The following TMEM132A variants were observed in gnomAD, a reference collection of about 807,000 sequenced individuals.
The protein encoded by TMEM132A is transmembrane protein 132A.
In TMEM132A, 48 loss-of-function variants were observed where a neutral mutation model predicts 69.9. The ratio of observed to expected loss-of-function variants is 0.69; its 90% CI spans 0.55 to 0.87. The LOEUF (loss-of-function observed/expected upper bound fraction) is 0.87, where lower values mean the gene tolerates loss of function less well. Among genes scored for constraint, TMEM132A ranks in the 40% least tolerant of loss-of-function variants. The pLI is 0.00. For missense variants in TMEM132A, 1,287 were observed against 1,407.2 expected (o/e 0.91, Z 1.37); for synonymous variants, 577 against 613.7 (o/e 0.94, Z 0.88).
chr11:60,933,144 A>G (rs1856516087), intron 7 of TMEM132A: 1 of 168,204 alleles, frequency 5.9e-6, no homozygotes, highest in South Asian at 1.8e-4. Context: ...CTACGGCCTG[A>G]GGTCAGGGCT....
chr11:60,927,938 C>A (rs1016386518), intron 3 of TMEM132A, 79 bp downstream of exon 3: 5 of 1,305,710 alleles, frequency 3.8e-6, no homozygotes, highest in South Asian at 2.8e-5. Flanking sequence ...AGAGAGGAAA[C>A]CCCCACTCCT....
rs1378702198 is a variant in TMEM132A at position 60,936,957 on chromosome 11, G to A, written c.*50G>A. 1 of 1,452,676 alleles carries A rather than the reference G, an allele frequency of 6.9e-7. No individual in the cohort carries two copies. The highest frequency in any genetic ancestry group is 2.5e-4 in the Middle Eastern group (1 of 4,044). The allele number at this position is 1,452,676 out of a possible 1,614,324, so 90.0% of individuals were successfully genotyped here. On this transcript the variant is annotated 3_prime_UTR_variant, in exon 11 of 11. Transcript: ENST00000453848. Reference sequence around the variant, plus strand: ...ACCAGCTGGGGCAACGAGGGTGGAGGTCCCACTGAGCCTCTCGCCTGCCCC... The same window carrying A: ...ACCAGCTGGGGCAACGAGGGTGGAGATCCCACTGAGCCTCTCGCCTGCCCC...
intron 8 of TMEM132A, 33 bp downstream of exon 8, chr11:60,933,777 T>C: frequency 1.3e-6 from 2 of 1,534,260 alleles, no homozygotes; most frequent in Non-Finnish European, 1.8e-6. Flanking sequence ...TGGCAGGCCT[T>C]GGCGAGTCAC....
At position 60,935,389 on chromosome 11, in the gene TMEM132A, C is replaced by A; in HGVS notation, c.1974C>A (p.Pro658=). 1 of 1,612,156 alleles carries A rather than the reference C, an allele frequency of 6.2e-7. No individual in the cohort carries two copies. ...CCTTGAGCCGGGGCACTGCCCACCC[C>A]GGGGAGGTCACAGCTACGTGCTGGG... ...SLTLSRGTAH[P]GEVTATCWAQ... Residue 658 remains proline, a synonymous_variant, in exon 10 of 11, where the codon CCC becomes CCA. Transcript: ENST00000453848. This position sits in a 1 kb window ranked among gnomAD's most constrained non-coding sequence, Gnocchi z 5.0.
intron 2 of TMEM132A, 92 bp downstream of exon 2, chr11:60,927,510 T>C (rs1327016614): frequency 1.4e-6 from 2 of 1,432,044 alleles, no homozygotes; most frequent in African/African-American, 2.8e-5. Flanking sequence ...CAGCCCCGGC[T>C]GTGCTCCCCA....
chr11:60,928,194 A>C (rs79855615), intron 3 of TMEM132A, among the ~76,000 whole-genome samples: 3,456 of 152,342 alleles, frequency 0.023, 65 homozygotes, highest in Middle Eastern at 0.061. Context: ...ACGGCAGAGT[A>C]ATCAATCAGC....
chr11:60,924,690 C>A lies in TMEM132A; in HGVS notation c.57C>A (p.Pro19=). Reference sequence around the variant, plus strand: ...CGGCCCCTCGGGGGCCCTACGGCCCCTGGCTCTGCCTCCTGGTGGCCCTCG... The same window carrying A: ...CGGCCCCTCGGGGGCCCTACGGCCCATGGCTCTGCCTCCTGGTGGCCCTCG... ...TTAAPRGPYG[P]WLCLLVALAL... Residue 19 remains proline, a synonymous_variant, in exon 1 of 11, where the codon CCC becomes CCA. Transcript: ENST00000453848. The A allele has an allele frequency of 6.3e-7, 1 of 1,591,582 alleles. No individual in the cohort carries two copies. The highest frequency in any genetic ancestry group is 2.3e-5 in the East Asian group (1 of 44,090).
chr11:60,935,482 C>T lies in TMEM132A; in HGVS notation c.2028+39C>T. 11 of 1,552,314 alleles carry T rather than the reference C, an allele frequency of 7.1e-6. No individual in the cohort carries two copies. The highest frequency in any genetic ancestry group is 9.6e-6 in the Non-Finnish European group (11 of 1,143,664). On this transcript the variant is annotated intron_variant, in intron 10 of 10. Coordinates refer to ENST00000453848, the MANE Select transcript of TMEM132A (RefSeq NM_178031.3). This position sits in a 1 kb window ranked among gnomAD's most constrained non-coding sequence, Gnocchi z 5.0. ...GGTCAGGGGGATGAGGTCAACATCTCCAGATGGGGGCTCATGGTAGAGGGG... is the reference window on the plus strand; with the variant it reads ...GGTCAGGGGGATGAGGTCAACATCTTCAGATGGGGGCTCATGGTAGAGGGG...
In TMEM132A at chr11:60,935,947, G is replaced by A. The variant is rs923993461; in HGVS notation, c.2112G>A (p.Leu704=). ...AELYDRRDLG[L]SVSAEEPGAI... ...TCTACGACCGCCGTGACCTGGGACT[G>A]TCCGTCTCAGCCGAGGAGCCTGGTG... Residue 704 remains leucine, a synonymous_variant, in exon 11 of 11, where the codon CTG becomes CTA. Transcript: ENST00000453848. The surrounding 1 kb of genome is among the most constrained non-coding windows in gnomAD (Gnocchi z 5.0). The A allele has an allele frequency of 3.7e-6, 6 of 1,611,866 alleles. No individual in the cohort carries two copies. The highest frequency in any genetic ancestry group is 5.1e-6 in the Non-Finnish European group (6 of 1,179,978).
In TMEM132A at chr11:60,932,018, G is replaced by C; in HGVS notation, c.1247G>C (p.Gly416Ala). ...CTGGTGAATACAGCACCACTGACTGGAGTGCCCCAGCATGTCCCCGTGCGC... is the reference window on the plus strand; with the variant it reads ...CTGGTGAATACAGCACCACTGACTGCAGTGCCCCAGCATGTCCCCGTGCGC... ...EELVNTAPLTGVPQHVPVRLV... is the reference protein window; with the variant it reads ...EELVNTAPLTAVPQHVPVRLV... The change falls in exon 7 of 11, where the codon GGA becomes GCA. Residue 416 changes from glycine to alanine, a missense_variant. Gly to Ala is a moderately conservative substitution (Grantham distance 60). Transcript: ENST00000453848. The C allele has an allele frequency of 6.2e-7, 1 of 1,601,424 alleles. No homozygotes were observed. The highest frequency in any genetic ancestry group is 8.5e-7 in the Non-Finnish European group (1 of 1,174,062).
chr11:60,932,830 G>C (rs1008515685), intron 7 of TMEM132A: 3 of 152,232 alleles, frequency 2.0e-5, no homozygotes, highest in African/African-American at 7.2e-5. Context: ...TCCTGCTGGA[G>C]GGCCTTGGTG....
intron 8 of TMEM132A, chr11:60,934,104 T>C: frequency 5.3e-6 from 2 of 376,968 alleles, no homozygotes; most frequent in South Asian, 6.8e-5. Context: ...GAGCCTAAGA[T>C]GACACAGAGC....
chr11:60,936,948 AG>A lies in TMEM132A; in HGVS notation c.*44del, dbSNP rs776808779. On this transcript the variant is annotated 3_prime_UTR_variant, in exon 11 of 11. Transcript: ENST00000453848. ...TGGTCAGCCACCAGCTGGGGCAACG[AG>A]GGTGGAGGTCCCACTGAGCCTCTCG... The A allele has an allele frequency of 8.1e-6, 12 of 1,480,668 alleles. No individual in the cohort carries two copies. In the East Asian group the frequency reaches 1.4e-4, roughly 17 times the overall value. The allele number at this position is 1,480,668 out of a possible 1,614,324, so 91.7% of individuals were successfully genotyped here.
At chr11:60,926,783 A>G (rs1856355350) in intron 1 of TMEM132A, 1 of 244,348 alleles carries the variant, frequency 4.1e-6, no homozygotes, top group Non-Finnish European at 8.0e-6. Flanking sequence ...CCAAGGATTC[A>G]GGGCAGAGAA....
chr11:60,924,958 C>T (rs1856318026), intron 1 of TMEM132A, among the ~76,000 whole-genome samples: 1 of 152,130 alleles, frequency 6.6e-6, no homozygotes, highest in Non-Finnish European at 1.5e-5. Flanking sequence ...CCTTCCTGAC[C>T]CGGGGCAGCC....
chr11:60,933,439 C>T (rs1856520795), intron 7 of TMEM132A, 103 bp from the exon 8 acceptor site: 1 of 957,068 alleles, frequency 1.0e-6, no homozygotes, highest in African/African-American at 1.6e-5. Context: ...CCACCTCGGC[C>T]TCTCAGAGTG....
rs761501384 is a variant in TMEM132A at position 60,932,100 on chromosome 11, C to A, written c.1329C>A (p.Cys443Ter). The change falls in exon 7 of 11, where the codon TGC (cysteine) becomes TGA (stop). Residue 443 changes from cysteine (C) to a stop codon, truncating the protein, a stop_gained. Coordinates refer to ENST00000453848, the MANE Select transcript of TMEM132A (RefSeq NM_178031.3). LOFTEE classifies it high-confidence loss of function. The part of the protein sequence containing the change: ...ALVEVTEHVG[C>*]ESANTQVLQV... ...TGGAGGTGACAGAGCATGTCGGCTG[C>A]GAGTCTGCCAACACACAGGTCCTGC... 1.9e-6 allele frequency: 3 copies of A among 1,553,350 alleles called. No homozygotes were observed. The highest frequency in any genetic ancestry group is 2.6e-6 in the Non-Finnish European group (3 of 1,154,094).
chr11:60,928,766 G>T lies in TMEM132A; in HGVS notation c.672G>T (p.Glu224Asp). The change falls in exon 4 of 11, where the codon GAG (glutamate) becomes GAT (aspartate). Residue 224 changes from glutamate to aspartate, a missense_variant. Physicochemically the swap from Glu to Asp is conservative, Grantham distance 45. Transcript: ENST00000453848. Reference sequence around the variant, plus strand: ...CTGGGGGCTGTGGCTCCGGCGAGGAGAACGACCCTGGGGAGCAGGCCCTCC... The same window carrying T: ...CTGGGGGCTGTGGCTCCGGCGAGGATAACGACCCTGGGGAGCAGGCCCTCC... ...EGPGGCGSGE[E>D]NDPGEQALPV... 1 of 1,609,104 alleles carries T rather than the reference G, an allele frequency of 6.2e-7. No individual in the cohort carries two copies.
At chr11:60,933,962 C>T (rs1856536470) in intron 8 of TMEM132A, 2 of 582,216 alleles carry the variant, frequency 3.4e-6, no homozygotes, top group South Asian at 4.4e-5. Flanking sequence ...TGCCTCACTT[C>T]TCCCGTAGCA....
Sources: gnomAD v4.1 joint callset for allele counts (sites outside exome capture counted in the v4.1 genomes callset) on GRCh38, gnomAD v4.1.1 for gene constraint, Gnocchi (gnomAD v3.1) non-coding constraint, MANE v1.5 for transcripts, NCBI Gene and HGNC (gene_info 2026-07-23, HGNC 2026-07-21) for gene names.